The following ICOS variants were observed in gnomAD, a reference collection of about 807,000 sequenced individuals.
The protein encoded by ICOS is inducible T cell costimulator, also known as inducible T-cell costimulator.
In ICOS, 15 loss-of-function variants were observed where a neutral mutation model predicts 24.6. That is an observed-to-expected ratio of 0.61 (90% CI 0.41 to 0.94). ICOS has a LOEUF of 0.94. Among genes scored for constraint, ICOS ranks in the 40% least tolerant of loss-of-function variants. The pLI is 0.00. For synonymous variants in ICOS, 89 were observed against 77.5 expected, an observed-to-expected ratio of 1.15 and a Z score of -0.78; for missense variants, 200 against 233.0, an observed-to-expected ratio of 0.86 and a Z score of 0.92.
intron 1 of ICOS, among the ~76,000 whole-genome samples, chr2:203,938,452 G>A (rs1421327838): frequency 6.6e-6 from 1 of 152,228 alleles, no homozygotes; most frequent in Non-Finnish European, 1.5e-5. Flanking sequence ...GGAAGAGGCT[G>A]AGCTTGGTCC....
At chr2:203,947,201 T>C (rs888789042) in intron 1 of ICOS, among the ~76,000 whole-genome samples, 3 of 152,234 alleles carry the variant, frequency 2.0e-5, no homozygotes, top group African/African-American at 4.8e-5. Flanking sequence ...AAAATGTTCT[T>C]GTGCTTTATA....
intron 1 of ICOS, among the ~76,000 whole-genome samples, chr2:203,946,391 C>T (rs1484647804): frequency 6.8e-6 from 1 of 147,842 alleles, no homozygotes; most frequent in Non-Finnish European, 1.5e-5. Context: ...GCTTTTTCTC[C>T]TCACTTTTCT....
chr2:203,956,505 T>C (rs1690080124), intron 2 of ICOS, among the ~76,000 whole-genome samples, 154 bp from the exon 3 acceptor site: 1 of 152,192 alleles, frequency 6.6e-6, no homozygotes, highest in Non-Finnish European at 1.5e-5. Context: ...GCCATAATAC[T>C]GAGATGATGT....
At chr2:203,936,957 A>T in intron 1 of ICOS, 85 bp downstream of exon 1, 5 of 1,015,640 alleles carry the variant, frequency 4.9e-6, no homozygotes, top group Non-Finnish European at 7.7e-6. Flanking sequence ...TTACGCACCC[A>T]AAAGACAGTG....
chr2:203,956,626 T>C (rs757546554), intron 2 of ICOS, 33 bp from the exon 3 acceptor site: 1 of 1,472,932 alleles, frequency 6.8e-7, no homozygotes, highest in South Asian at 1.1e-5. Context: ...TTCAGCAGAA[T>C]TTTTCATTAA....
chr2:203,938,887 G>C (rs532509590), intron 1 of ICOS, among the ~76,000 whole-genome samples: 1 of 152,188 alleles, frequency 6.6e-6, no homozygotes, highest in Non-Finnish European at 1.5e-5. Context: ...CCTGAGGCAC[G>C]AGTGGCTAAA....
intron 1 of ICOS, among the ~76,000 whole-genome samples, chr2:203,954,873 ATAAT>A (rs1394939673): frequency 5.4e-5 from 8 of 148,848 alleles, no homozygotes; most frequent in Non-Finnish European, 7.4e-5. Context: ...ATTTTAATAT[ATAAT>A]ATGTAATATA....
chr2:203,956,671 G>T lies in ICOS; in HGVS notation c.407G>T (p.Cys136Phe). The change falls in exon 3 of 5, where the codon TGT becomes TTT. Residue 136 changes from cysteine to phenylalanine, a missense_variant. By Grantham distance (205) the Cys-to-Phe change is radical (BLOSUM62 -2). Coordinates refer to ENST00000316386, the MANE Select transcript of ICOS (RefSeq NM_012092.4). Reference sequence around the variant, plus strand: ...TTTTCCAATCCAGAATCACAACTTTGTTGCCAGCTGAAGTTCTGGTTACCC... The same window carrying T: ...TTTTCCAATCCAGAATCACAACTTTTTTGCCAGCTGAAGTTCTGGTTACCC... ...GYLHIYESQL[C>F]CQLKFWLPIG... is the part of the protein sequence containing the mutation. The T allele has an allele frequency of 6.2e-7, 1 of 1,612,760 alleles. No homozygotes were observed. Among genetic ancestry groups the T allele is most frequent in the Non-Finnish European group, 8.5e-7 (1 of 1,178,926 alleles).
intron 2 of ICOS, 51 bp downstream of exon 2, chr2:203,956,022 CA>C: frequency 8.0e-7 from 1 of 1,252,170 alleles, no homozygotes. Flanking sequence ...TATGTTTTGA[CA>C]ACTTTTCTCA....
intron 1 of ICOS, among the ~76,000 whole-genome samples, chr2:203,948,671 A>G (rs758077392): frequency 6.6e-6 from 1 of 152,220 alleles, no homozygotes; most frequent in Non-Finnish European, 1.5e-5. Flanking sequence ...TAAACCAGAT[A>G]ATTTCAGACA....
At chr2:203,938,128 A>G (rs1689694783) in intron 1 of ICOS, among the ~76,000 whole-genome samples, 1 of 152,238 alleles carries the variant, frequency 6.6e-6, no homozygotes, top group Admixed American at 6.5e-5. Flanking sequence ...ATATTAATCA[A>G]ATAATCCCAT....
intron 2 of ICOS, 25 bp downstream of exon 2, chr2:203,955,996 A>T (rs372904576): frequency 7.8e-5 from 117 of 1,505,506 alleles, no homozygotes; most frequent in Middle Eastern, 1.7e-4. Flanking sequence ...TCATCTTCCA[A>T]ACTTAAGAGT....
chr2:203,946,428 CTTTTT>C (rs202128959), intron 1 of ICOS, among the ~76,000 whole-genome samples: 1 of 135,860 alleles, frequency 7.4e-6, no homozygotes, highest in Non-Finnish European at 1.6e-5. Flanking sequence ...TTTTTGCTTT[CTTTTT>C]TTTTTCTCCA....
chr2:203,941,319 T>A (rs370097148), intron 1 of ICOS, among the ~76,000 whole-genome samples: 1 of 152,228 alleles, frequency 6.6e-6, no homozygotes, highest in Non-Finnish European at 1.5e-5. Context: ...CACAACTTGC[T>A]GTTGCTTGTT....
chr2:203,959,333 A>G (rs956421097), intron 4 of ICOS, among the ~76,000 whole-genome samples: 17 of 152,154 alleles, frequency 1.1e-4, no homozygotes, highest in Non-Finnish European at 2.4e-4. Context: ...AGAGGTGGAC[A>G]GTTTCAAAGT....
At chr2:203,945,618 G>A (rs1057322729) in intron 1 of ICOS, among the ~76,000 whole-genome samples, 5 of 152,174 alleles carry the variant, frequency 3.3e-5, no homozygotes, top group African/African-American at 9.6e-5. Context: ...AACCTGTACA[G>A]CATGTTACTG....
chr2:203,946,818 T>C (rs1689878703), intron 1 of ICOS, among the ~76,000 whole-genome samples: 3 of 152,224 alleles, frequency 2.0e-5, no homozygotes, highest in Non-Finnish European at 1.5e-5. Context: ...GAAAATGTGT[T>C]TAATAAGCAC....
rs554584960 is a variant in ICOS at position 203,960,430 on chromosome 2, A to T, written c.*831A>T. 2.6e-5 allele frequency: 4 copies of T among 152,176 alleles called. No homozygotes were observed. The highest frequency in any genetic ancestry group is 4.4e-5 in the Non-Finnish European group (3 of 68,030). 9.4% of individuals were successfully genotyped at this position (152,176 alleles called of 1,614,324 possible). The stretch of plus-strand genomic sequence containing the variant: ...CCAGAAAGACATGTTCTTTTCTCAA[A>T]TTCAGTTAAAATGGTTTACTTTGTT... On this transcript the variant is annotated 3_prime_UTR_variant, in exon 5 of 5. Coordinates refer to ENST00000316386, the MANE Select transcript of ICOS (RefSeq NM_012092.4).
intron 1 of ICOS, among the ~76,000 whole-genome samples, chr2:203,941,620 A>G (rs1553498000): frequency 6.6e-6 from 1 of 152,224 alleles, no homozygotes; most frequent in Non-Finnish European, 1.5e-5. Flanking sequence ...TTTTAAAATC[A>G]TTTGTAGCTT....
Sources: gnomAD v4.1 joint callset for allele counts (sites outside exome capture counted in the v4.1 genomes callset) on GRCh38, gnomAD v4.1.1 for gene constraint, MANE v1.5 for transcripts, NCBI Gene and HGNC (gene_info 2026-07-23, HGNC 2026-07-21) for gene names.